The following CSMD3 variants were observed in gnomAD, a reference collection of about 807,000 sequenced individuals.
CSMD3 encodes CUB and Sushi multiple domains 3, also known as CUB and sushi domain-containing protein 3.
Under a neutral mutation model 435.2 loss-of-function variants are expected in CSMD3, and 177 were observed. That is an observed-to-expected ratio of 0.41 (90% confidence interval 0.36 to 0.46). The LOEUF is 0.46. CSMD3 is among the 20% of genes least tolerant of loss of function. CSMD3 has a pLI of 0.34. For synonymous variants in CSMD3, 1,656 were observed against 1,520.5 expected (o/e 1.09, Z -2.07); for missense variants, 4,265 against 4,504.6 (o/e 0.95, Z 1.52).
At chr8:113,075,771 C>A (rs2131425819) in intron 5 of CSMD3, among the ~76,000 whole-genome samples, 1 of 151,358 alleles carries the variant, frequency 6.6e-6, no homozygotes, top group African/African-American at 2.4e-5. Context: ...TGATATTGAC[C>A]CTTATAGGAA....
At chr8:112,855,554 T>C (rs1390896172) in intron 11 of CSMD3, among the ~76,000 whole-genome samples, 1 of 152,008 alleles carries the variant, frequency 6.6e-6, no homozygotes, top group Non-Finnish European at 1.5e-5. Flanking sequence ...ATGAGTTCTA[T>C]ATAAGGATAA....
At chr8:112,633,173 C>A (rs1394331982) in intron 22 of CSMD3, among the ~76,000 whole-genome samples, 1 of 151,936 alleles carries the variant, frequency 6.6e-6, no homozygotes, top group Non-Finnish European at 1.5e-5. Flanking sequence ...ACAAATTTTT[C>A]TGCATTTAAG....
At chr8:113,071,505 A>G (rs2089117664) in intron 5 of CSMD3, among the ~76,000 whole-genome samples, 1 of 151,932 alleles carries the variant, frequency 6.6e-6, no homozygotes, top group African/African-American at 2.4e-5. Flanking sequence ...ATGGTGTGAG[A>G]TAAGGATCCA....
At chr8:112,243,336 T>A (rs1814355450) in intron 65 of CSMD3, among the ~76,000 whole-genome samples, 1 of 152,166 alleles carries the variant, frequency 6.6e-6, no homozygotes, top group Non-Finnish European at 1.5e-5. Flanking sequence ...ACAGCTGCAT[T>A]AGATAAAACA....
At chr8:112,591,597 G>A (rs1831198473) in intron 22 of CSMD3, among the ~76,000 whole-genome samples, 1 of 152,024 alleles carries the variant, frequency 6.6e-6, no homozygotes, top group Non-Finnish European at 1.5e-5. Flanking sequence ...AAACTGTTTT[G>A]TGAAAGCAGG....
At chr8:112,848,149 C>CA (rs1196148134) in intron 11 of CSMD3, among the ~76,000 whole-genome samples, 1 of 152,014 alleles carries the variant, frequency 6.6e-6, no homozygotes, top group Non-Finnish European at 1.5e-5. Flanking sequence ...CAACAGAAAT[C>CA]AAATCTATGT....
intron 22 of CSMD3, among the ~76,000 whole-genome samples, chr8:112,631,455 A>G (rs1160297277): frequency 3.3e-5 from 5 of 152,096 alleles, no homozygotes; most frequent in Admixed American, 6.6e-5. Flanking sequence ...TTGTGCATCA[A>G]TAAATAAGGT....
chr8:112,343,879 A>T (rs1009051279), intron 41 of CSMD3, among the ~76,000 whole-genome samples: 5 of 151,332 alleles, frequency 3.3e-5, no homozygotes, highest in Non-Finnish European at 7.4e-5. Flanking sequence ...TTATTTATTT[A>T]TTATTTATTT....
At chr8:112,969,535 G>A (rs1261840592) in intron 7 of CSMD3, among the ~76,000 whole-genome samples, 1 of 151,650 alleles carries the variant, frequency 6.6e-6, no homozygotes, top group Non-Finnish European at 1.5e-5. Flanking sequence ...AATGTACTGT[G>A]GCATAATTGA....
rs2089696293 is a variant in CSMD3 at position 113,084,768 on chromosome 8, T to C, written c.917+13988A>G. The stretch of plus-strand genomic sequence containing the variant: ...TGGCATTGGTATGAAAGCAGATACG[T>C]AGATCAATAAAACATAATAGAGAAC... On this transcript the variant is annotated intron_variant, in intron 5 of 70. Coordinates refer to ENST00000297405, the MANE Select transcript of CSMD3 (RefSeq NM_198123.2). Among the ~76,000 whole-genome samples the C allele has an allele frequency of 2.6e-5, 4 of 151,862 alleles. No homozygotes were observed. In the South Asian group the frequency reaches 8.3e-4, roughly 32 times the overall value.
At chr8:112,365,260 C>A (rs1368328844) in intron 38 of CSMD3, among the ~76,000 whole-genome samples, 3 of 152,064 alleles carry the variant, frequency 2.0e-5, no homozygotes, top group African/African-American at 7.2e-5. Flanking sequence ...TAACAGAAAG[C>A]AAAATTGGCT....
intron 22 of CSMD3, among the ~76,000 whole-genome samples, chr8:112,619,809 TA>T (rs10714703): frequency 0.6 from 90,319 of 150,372 alleles, 28,077 homozygotes; most frequent in African/African-American, 0.77. Flanking sequence ...TCTCCTATCT[TA>T]AAAAAAAAAA....
At chr8:112,546,350 AG>A in intron 27 of CSMD3, among the ~76,000 whole-genome samples, 1 of 152,336 alleles carries the variant, frequency 6.6e-6, no homozygotes, top group Non-Finnish European at 1.5e-5. Flanking sequence ...GGAGGGATAA[AG>A]AAGTGAGTGG....
chr8:112,678,078 A>G (rs1304882498), intron 16 of CSMD3, among the ~76,000 whole-genome samples: 1 of 152,298 alleles, frequency 6.6e-6, no homozygotes, highest in East Asian at 1.9e-4. Flanking sequence ...GGGAAAATAC[A>G]CCTGTCCATT....
chr8:112,945,818 G>C (rs1269079498), intron 9 of CSMD3, among the ~76,000 whole-genome samples: 2 of 151,278 alleles, frequency 1.3e-5, no homozygotes, highest in Non-Finnish European at 3.0e-5. Flanking sequence ...GAGTTTCACT[G>C]AACTCTATTT....
At chr8:112,403,487 A>T (rs1464518032) in intron 35 of CSMD3, among the ~76,000 whole-genome samples, 5 of 152,128 alleles carry the variant, frequency 3.3e-5, no homozygotes, top group African/African-American at 1.2e-4. Context: ...CAACAACAGA[A>T]ATGTATTTCT....
chr8:113,084,400 G>T (rs1444585587), intron 5 of CSMD3, among the ~76,000 whole-genome samples: 1 of 151,872 alleles, frequency 6.6e-6, no homozygotes, highest in Non-Finnish European at 1.5e-5. Flanking sequence ...AACCAATTAG[G>T]TGAAAGATCT....
chr8:112,376,320 T>A (rs1828938078), intron 38 of CSMD3, among the ~76,000 whole-genome samples: 2 of 152,214 alleles, frequency 1.3e-5, no homozygotes. Context: ...TCAAAATATT[T>A]GCTGGTTGAA....
At chr8:112,254,689 G>C in intron 62 of CSMD3, among the ~76,000 whole-genome samples, 1 of 152,064 alleles carries the variant, frequency 6.6e-6, no homozygotes, top group South Asian at 2.1e-4. Context: ...TTTGGGGTAG[G>C]GTAATATTTC....
Sources: allele counts gnomAD v4.1 joint callset (sites outside exome capture counted in the v4.1 genomes callset), GRCh38; gene constraint gnomAD v4.1.1; transcripts MANE v1.5; gene names NCBI Gene and HGNC (gene_info 2026-07-23, HGNC 2026-07-21).